The following PDZK1 variants were observed in gnomAD, a reference collection of about 807,000 sequenced individuals.
The protein encoded by PDZK1 is PDZ domain containing 1, also known as Na(+)/H(+) exchange regulatory cofactor NHE-RF3.
PDZK1 carries 23 observed loss-of-function variants against 38.1 expected under a neutral mutation model. That is an observed-to-expected ratio of 0.60 (90% CI 0.43 to 0.85). PDZK1 has a LOEUF of 0.85. Ranked by LOEUF, PDZK1 falls within the 40% of genes least tolerant of loss-of-function variation. The pLI is 0.00. For missense variants in PDZK1, 297 were observed against 504.3 expected, an observed-to-expected ratio of 0.59 and a Z score of 3.94; for synonymous variants, 98 against 186.2, an observed-to-expected ratio of 0.53 and a Z score of 3.86.
At chr1:145,687,336 G>C (rs1369899696) in intron 2 of PDZK1, among the ~76,000 whole-genome samples, 1 of 150,416 alleles carries the variant, frequency 6.6e-6, no homozygotes, top group Admixed American at 6.6e-5. Flanking sequence ...TGGCTAACAC[G>C]GTGAAACCCC....
At chr1:145,683,494 C>G (rs1413909113) in intron 3 of PDZK1, among the ~76,000 whole-genome samples, 2 of 152,158 alleles carry the variant, frequency 1.3e-5, no homozygotes, top group African/African-American at 4.8e-5. Flanking sequence ...TGTAGGCTAA[C>G]AAGGACAGGC....
chr1:145,683,661 G>A (rs1313364945), intron 3 of PDZK1, among the ~76,000 whole-genome samples: 1 of 152,160 alleles, frequency 6.6e-6, no homozygotes. Flanking sequence ...GAAACTTTAA[G>A]ATAGTATACC....
intron 1 of PDZK1, among the ~76,000 whole-genome samples, chr1:145,693,122 G>A (rs2101917582): frequency 6.6e-6 from 1 of 152,270 alleles, no homozygotes; most frequent in East Asian, 1.9e-4. Context: ...ACTCCTTGAG[G>A]AGTGAAGTCA....
intron 1 of PDZK1, among the ~76,000 whole-genome samples, chr1:145,690,843 C>T (rs1160783011): frequency 6.6e-6 from 1 of 152,178 alleles, no homozygotes; most frequent in Non-Finnish European, 1.5e-5. Context: ...CAAAGAAACA[C>T]AAATCACTGT....
Position 145,672,758 on chromosome 1 carries a change from T to C in PDZK1, c.1478A>G (p.Asn493Ser), listed in dbSNP as rs1653214261. 4 of 1,611,910 alleles carry C rather than the reference T, an allele frequency of 2.5e-6. No individual in the cohort carries two copies. The highest frequency in any genetic ancestry group is 3.4e-6 in the Non-Finnish European group (4 of 1,179,794). Residue 493 changes from asparagine to serine, a missense_variant, in exon 8 of 9, where the codon AAC becomes AGC. Coordinates refer to ENST00000417171, the MANE Select transcript of PDZK1 (RefSeq NM_001201325.2). Reference sequence around the variant, plus strand: ...TTCTTTTGCCATGTGCGAGTCATGGTTTGACTCCACCACTATTCCTTCTTT... The same window carrying C: ...TTCTTTTGCCATGTGCGAGTCATGGCTTGACTCCACCACTATTCCTTCTTT... ...DSKEGIVVES[N>S]HDSHMAKERA... is the part of the protein sequence containing the mutation.
chr1:145,694,541 G>A (rs1260680703), intron 1 of PDZK1, among the ~76,000 whole-genome samples: 5 of 152,160 alleles, frequency 3.3e-5, no homozygotes, highest in Non-Finnish European at 1.5e-5. Flanking sequence ...AAAGGATAAA[G>A]TTATACACCA....
At chr1:145,696,143 A>G (rs1553704091) in intron 1 of PDZK1, among the ~76,000 whole-genome samples, 1 of 152,198 alleles carries the variant, frequency 6.6e-6, no homozygotes, top group East Asian at 1.9e-4. Flanking sequence ...AAGTCTTCTG[A>G]GGCCACAGCT....
chr1:145,697,499 A>C (rs1655694208), intron 1 of PDZK1, among the ~76,000 whole-genome samples: 1 of 152,226 alleles, frequency 6.6e-6, no homozygotes, highest in Non-Finnish European at 1.5e-5. Context: ...AGAGGTAGAG[A>C]GAATGAAAAC....
At chr1:145,698,847 G>C (rs1655784221) in intron 1 of PDZK1, among the ~76,000 whole-genome samples, 1 of 152,116 alleles carries the variant, frequency 6.6e-6, no homozygotes, top group Non-Finnish European at 1.5e-5. Flanking sequence ...CAGGAGAATT[G>C]CTTGAACCCG....
At chr1:145,705,956 A>G (rs1285878035) in intron 1 of PDZK1, among the ~76,000 whole-genome samples, 3 of 151,896 alleles carry the variant, frequency 2.0e-5, no homozygotes, top group East Asian at 1.9e-4. Context: ...GTCTCACTTC[A>G]TTGCCCAGGC....
At chr1:145,689,212 T>G (rs1460390662) in intron 1 of PDZK1, among the ~76,000 whole-genome samples, 1 of 152,184 alleles carries the variant, frequency 6.6e-6, no homozygotes, top group Non-Finnish European at 1.5e-5. Flanking sequence ...GCCTCCTGAA[T>G]AGCTGGAGCT....
chr1:145,705,136 G>A (rs1553705518), intron 1 of PDZK1, among the ~76,000 whole-genome samples: 1 of 152,094 alleles, frequency 6.6e-6, no homozygotes, highest in Admixed American at 6.6e-5. Flanking sequence ...TGTCACCCAG[G>A]CTAGGGTGCA....
intron 6 of PDZK1, among the ~76,000 whole-genome samples, chr1:145,674,790 A>G (rs1375297986): frequency 5.9e-5 from 9 of 152,090 alleles, no homozygotes; most frequent in African/African-American, 2.2e-4. Flanking sequence ...ATACAAGCCA[A>G]TTCCCCTAAT....
At chr1:145,677,825 A>G (rs1260809041) in intron 6 of PDZK1, among the ~76,000 whole-genome samples, 1 of 147,740 alleles carries the variant, frequency 6.8e-6, no homozygotes, top group East Asian at 2.0e-4. Flanking sequence ...CATCTTTACA[A>G]TCAACACTTA....
chr1:145,690,195 T>C (rs1655124784), intron 1 of PDZK1, among the ~76,000 whole-genome samples: 1 of 152,150 alleles, frequency 6.6e-6, no homozygotes, highest in Non-Finnish European at 1.5e-5. Flanking sequence ...CACCTGTTTG[T>C]GGCCCATTCC....
chr1:145,686,575 G>A lies in PDZK1; in HGVS notation c.362C>T (p.Pro121Leu). The change falls in exon 3 of 9, where the codon CCT becomes CTT. Residue 121 changes from proline to leucine, a missense_variant. Transcript: ENST00000417171. ...EQGLSDNILSPVMNGGVQTWT... is the reference protein window; with the variant it reads ...EQGLSDNILSLVMNGGVQTWT... ...AGTTTGCACACCTCCATTCATCACAGGGGAAAGTATATTATCACTCAAACC... is the reference window on the plus strand; with the variant it reads ...AGTTTGCACACCTCCATTCATCACAAGGGAAAGTATATTATCACTCAAACC... 6.2e-7 allele frequency: 1 copy of A among 1,609,140 alleles called. No homozygotes were observed. The highest frequency in any genetic ancestry group is 8.5e-7 in the Non-Finnish European group (1 of 1,177,728).
intron 1 of PDZK1, among the ~76,000 whole-genome samples, chr1:145,702,487 C>T (rs72993559): frequency 0.058 from 8,844 of 152,094 alleles, 849 homozygotes; most frequent in African/African-American, 0.2. Flanking sequence ...TCTACCCCCC[C>T]ACTTTTTTTT....
Position 145,705,058 on chromosome 1 carries a change from G to A in PDZK1, c.-3+2259C>T, listed in dbSNP as rs587750707. The stretch of plus-strand genomic sequence containing the variant: ...ATGACAAGATCCCTGCAGTCTTGAA[G>A]CTTAACATCTGGCAAAGGTGACAAG... On this transcript the variant is annotated intron_variant, in intron 1 of 8. Transcript: ENST00000417171. 2.0e-5 allele frequency among the ~76,000 whole-genome samples: 3 copies of A among 152,252 alleles called. No individual in the cohort carries two copies. In the South Asian group the frequency reaches 6.2e-4, roughly 32 times the overall value.
In PDZK1 at chr1:145,703,977, C is replaced by T. The variant is rs971101627; in HGVS notation, c.-3+3340G>A. Among the ~76,000 whole-genome samples the T allele has an allele frequency of 7.9e-5, 12 of 152,066 alleles. No homozygotes were observed. The South Asian group carries it at 8.3e-4, about 11-fold the overall frequency. ...CTGAGAAGCTGGGATTGAAGGCACCCGCCACCACACCCGGCTACTTTTTGT... is the reference window on the plus strand; with the variant it reads ...CTGAGAAGCTGGGATTGAAGGCACCTGCCACCACACCCGGCTACTTTTTGT... On this transcript the variant is annotated intron_variant, in intron 1 of 8. Transcript: ENST00000417171.
Sources: allele counts gnomAD v4.1 joint callset (sites outside exome capture counted in the v4.1 genomes callset), GRCh38; gene constraint gnomAD v4.1.1; transcripts MANE v1.5; gene names NCBI Gene and HGNC (gene_info 2026-07-23, HGNC 2026-07-21).